The following NGEF variants were observed in gnomAD, a reference collection of about 807,000 sequenced individuals.
The protein encoded by NGEF is ephexin-1.
In NGEF, 31 loss-of-function variants were observed where a neutral mutation model predicts 80.9. The ratio of observed to expected loss-of-function variants is 0.38; its 90% CI spans 0.29 to 0.52. The LOEUF is 0.52. Among genes scored for constraint, NGEF ranks in the 20% least tolerant of loss-of-function variants. The pLI is 0.84. For synonymous variants in NGEF, 371 were observed against 370.2 expected (o/e 1.00, Z -0.03); for missense variants, 709 against 926.2 (o/e 0.77, Z 3.04).
intron 5 of NGEF, among the ~76,000 whole-genome samples, chr2:232,901,160 C>T (rs911245989): frequency 3.3e-5 from 5 of 152,180 alleles, no homozygotes; most frequent in African/African-American, 9.7e-5. Flanking sequence ...TTACGCAGCC[C>T]GCGGGCCCCA....
At chr2:232,999,649 C>T (rs1694928169) in intron 1 of NGEF, among the ~76,000 whole-genome samples, 3 of 152,236 alleles carry the variant, frequency 2.0e-5, no homozygotes, top group South Asian at 2.1e-4. Flanking sequence ...AGCGAGCCTC[C>T]GCCCTTGGCA....
intron 9 of NGEF, among the ~76,000 whole-genome samples, chr2:232,886,417 CGT>C (rs1691696443): frequency 1.3e-5 from 2 of 151,010 alleles, no homozygotes; most frequent in South Asian, 2.1e-4. Context: ...GTGCGTGTGC[CGT>C]GTGTGCAGTG....
At chr2:232,982,849 GA>G (rs1276618836) in intron 1 of NGEF, among the ~76,000 whole-genome samples, 2 of 152,230 alleles carry the variant, frequency 1.3e-5, no homozygotes, top group Non-Finnish European at 2.9e-5. Context: ...TCAAAGTGGG[GA>G]GAGTGAGACA....
chr2:232,921,813 C>T (rs990483677), intron 4 of NGEF, among the ~76,000 whole-genome samples: 5 of 152,124 alleles, frequency 3.3e-5, no homozygotes, highest in Non-Finnish European at 5.9e-5. Context: ...CTGGGAGAAA[C>T]GGGCTGCAGC....
chr2:232,879,463 G>GCT lies in NGEF; in HGVS notation c.*24_*25dup, dbSNP rs1691416893. On this transcript the variant is annotated 3_prime_UTR_variant, in exon 15 of 15. Transcript: ENST00000264051. ...TCTGTCGGGGTCTCATGCAGGCCCT[G>GCT]CTCCCGCTGGCCCCCTGGGTGGGGG... is the stretch of plus-strand genomic sequence containing the variant. 1 of 1,460,466 alleles carries GCT rather than the reference G, an allele frequency of 6.8e-7. No homozygotes were observed. The highest frequency in any genetic ancestry group is 1.7e-5 in the Admixed American group (1 of 57,954). 90.5% of individuals were successfully genotyped at this position (1,460,466 alleles called of 1,614,324 possible).
At chr2:233,004,242 C>A (rs184518014) in intron 1 of NGEF, among the ~76,000 whole-genome samples, 1 of 152,250 alleles carries the variant, frequency 6.6e-6, no homozygotes, top group African/African-American at 2.4e-5. Context: ...GGCACCTGTC[C>A]GGCTTCTCCC....
At chr2:232,944,759 A>ATATATATATT (rs1693519511) in intron 3 of NGEF, among the ~76,000 whole-genome samples, 5 of 129,410 alleles carry the variant, frequency 3.9e-5, no homozygotes, top group Admixed American at 1.6e-4. Flanking sequence ...ATATATATAT[A>ATATATATATT]TATCTTTTTG....
intron 5 of NGEF, among the ~76,000 whole-genome samples, chr2:232,899,492 A>AG (rs1295241759): frequency 1.3e-5 from 2 of 152,312 alleles, no homozygotes; most frequent in African/African-American, 4.8e-5. Context: ...CTGATGGGTC[A>AG]GGGGTCTCCT....
At chr2:232,975,522 C>T (rs751146350) in intron 1 of NGEF, among the ~76,000 whole-genome samples, 1 of 152,148 alleles carries the variant, frequency 6.6e-6, no homozygotes, top group Non-Finnish European at 1.5e-5. Flanking sequence ...AAGGTCCCCC[C>T]ATCCCATGGC....
intron 12 of NGEF, 83 bp from the exon 13 acceptor site, chr2:232,882,348 G>C (rs1055343293): frequency 7.2e-6 from 9 of 1,248,800 alleles, no homozygotes; most frequent in Non-Finnish European, 1.0e-5. Context: ...CCAGCTAGCT[G>C]CCCCTCGGAT....
chr2:232,931,181 A>G (rs1328844714), intron 3 of NGEF, among the ~76,000 whole-genome samples: 1 of 152,238 alleles, frequency 6.6e-6, no homozygotes, highest in African/African-American at 2.4e-5. Flanking sequence ...GGCAAATTCC[A>G]TGAGGAAGAT....
intron 3 of NGEF, among the ~76,000 whole-genome samples, chr2:232,939,605 T>C (rs754844645): frequency 1.1e-4 from 16 of 152,226 alleles, no homozygotes; most frequent in Non-Finnish European, 1.9e-4. Flanking sequence ...GTATGTAATA[T>C]GAAAACTTTA....
At chr2:232,949,369 G>C (rs1398883238) in intron 3 of NGEF, among the ~76,000 whole-genome samples, 1 of 152,134 alleles carries the variant, frequency 6.6e-6, no homozygotes, top group Admixed American at 6.5e-5. Context: ...ATCTTCTCAG[G>C]ATAGACTCTG....
intron 5 of NGEF, among the ~76,000 whole-genome samples, chr2:232,915,856 A>G (rs1692791612): frequency 6.6e-6 from 1 of 151,972 alleles, no homozygotes; most frequent in East Asian, 1.9e-4. Flanking sequence ...ACGCCCAGCT[A>G]ATTTTTGTAT....
intron 5 of NGEF, among the ~76,000 whole-genome samples, chr2:232,912,976 A>G (rs1277797864): frequency 2.6e-5 from 4 of 152,088 alleles, no homozygotes; most frequent in Non-Finnish European, 4.4e-5. Context: ...TTTTCTCTAT[A>G]TTTTAAAAAA....
intron 3 of NGEF, among the ~76,000 whole-genome samples, chr2:232,941,061 T>C (rs781004638): frequency 6.6e-6 from 1 of 152,086 alleles, no homozygotes; most frequent in Non-Finnish European, 1.5e-5. Flanking sequence ...GCAGAGTTTT[T>C]AAGGATAATT....
chr2:232,944,552 G>A (rs1271835951), intron 3 of NGEF, among the ~76,000 whole-genome samples: 1 of 151,756 alleles, frequency 6.6e-6, no homozygotes, highest in African/African-American at 2.4e-5. Context: ...AGAGAAGCCA[G>A]GGATGGAGTT....
chr2:233,000,773 A>AC (rs1350335433), intron 1 of NGEF, among the ~76,000 whole-genome samples: 9 of 151,226 alleles, frequency 6.0e-5, no homozygotes, highest in Middle Eastern at 3.4e-3. Flanking sequence ...AAAAAAAAAA[A>AC]ACGAAAAAAC....
chr2:232,885,053 G>A (rs1459867290), intron 10 of NGEF: 8 of 553,438 alleles, frequency 1.4e-5, no homozygotes, highest in South Asian at 6.1e-5. Context: ...CACTAGCCCC[G>A]CACTCCCGTC....
Sources: allele counts gnomAD v4.1 joint callset (sites outside exome capture counted in the v4.1 genomes callset), GRCh38; gene constraint gnomAD v4.1.1; transcripts MANE v1.5; gene names NCBI Gene and HGNC (gene_info 2026-07-23, HGNC 2026-07-21).